The following FGD4 variants were observed in gnomAD, a reference collection of about 807,000 sequenced individuals.
FGD4 encodes the protein FYVE, RhoGEF and PH domain containing 4, also known as FYVE, RhoGEF and PH domain-containing protein 4.
In FGD4, 42 loss-of-function variants were observed where a neutral mutation model predicts 102.0. The observed-to-expected ratio is 0.41, with a 90% CI of 0.32 to 0.53. The LOEUF is 0.53. Ranked by LOEUF, FGD4 falls within the 20% of genes least tolerant of loss-of-function variation. The probability of loss-of-function intolerance (pLI) is 0.21; values close to 1 mark genes in which losing one functional copy is unlikely to be tolerated. For synonymous variants in FGD4, 380 were observed against 375.7 expected (o/e 1.01, Z -0.13); for missense variants, 902 against 1,078.2 (o/e 0.84, Z 2.29).
intron 1 of FGD4, among the ~76,000 whole-genome samples, chr12:32,434,917 G>C (rs2651362): frequency 0.39 from 59,635 of 151,758 alleles, 12,283 homozygotes; most frequent in African/African-American, 0.5. Flanking sequence ...GAGAGGAGCA[G>C]CTTCGCTTCA....
In FGD4 at chr12:32,531,800, A is replaced by C. The variant is rs570029223; in HGVS notation, c.167-32337A>C. ...CTAAGAGTTAGGATTGCTGGCTCAT[A>C]GGATAAGTGCATTCCCACCTGATGA... On this transcript the variant is annotated intron_variant, in intron 1 of 16. Coordinates refer to ENST00000534526, the MANE Select transcript of FGD4 (RefSeq NM_001370298.3). 1.4e-4 allele frequency among the ~76,000 whole-genome samples: 22 copies of C among 152,340 alleles called. 1 individual carries two copies. The South Asian group carries it at 4.6e-3, about 32-fold the overall frequency.
chr12:32,411,426 C>G (rs1260798675), intron 1 of FGD4, among the ~76,000 whole-genome samples: 1 of 151,688 alleles, frequency 6.6e-6, no homozygotes, highest in African/African-American at 2.4e-5. Flanking sequence ...CCCAGCTACA[C>G]AGGAGGCTGA....
chr12:32,640,200 G>C, intron 16 of FGD4, 76 bp from the exon 17 acceptor site: 1 of 1,608,158 alleles, frequency 6.2e-7, no homozygotes, highest in Non-Finnish European at 8.5e-7. Flanking sequence ...TAGGAAGAGA[G>C]GTTTAGTAGG....
chr12:32,618,708 C>A (rs561888049), intron 10 of FGD4, among the ~76,000 whole-genome samples: 1 of 151,974 alleles, frequency 6.6e-6, no homozygotes. Context: ...TGGTGGTTCA[C>A]GCCTGTAATC....
chr12:32,520,428 T>TTTTTTTG (rs1212675702), intron 1 of FGD4, among the ~76,000 whole-genome samples: 2 of 119,472 alleles, frequency 1.7e-5, no homozygotes, highest in Non-Finnish European at 3.7e-5. Context: ...ATTGTGGGTT[T>TTTTTTTG]TTTTGTTTTT....
At chr12:32,570,961 G>A (rs1945613420) in intron 2 of FGD4, among the ~76,000 whole-genome samples, 1 of 152,076 alleles carries the variant, frequency 6.6e-6, no homozygotes, top group African/African-American at 2.4e-5. Flanking sequence ...ATGTTATATG[G>A]TTATCTTAAA....
intron 13 of FGD4, 91 bp from the exon 14 acceptor site, chr12:32,625,563 G>A (rs1203909905): frequency 1.4e-6 from 2 of 1,461,704 alleles, no homozygotes; most frequent in Non-Finnish European, 1.9e-6. Flanking sequence ...AACATGGTTT[G>A]AGCAATGTAG....
At position 32,407,380 on chromosome 12, in the gene FGD4, C is replaced by T. The variant is rs1940988179; in HGVS notation, c.166+7421C>T. On this transcript the variant is annotated intron_variant, in intron 1 of 16. Coordinates refer to ENST00000534526, the MANE Select transcript of FGD4 (RefSeq NM_001370298.3). ...ACCTCAGGTGATCCACCTGCCTTAG[C>T]CTCCCAAAGTGCTGGGATTACAGGC... 3.3e-5 allele frequency among the ~76,000 whole-genome samples: 5 copies of T among 152,046 alleles called. No homozygotes were observed. In the South Asian group the frequency reaches 6.2e-4, roughly 19 times the overall value.
intron 10 of FGD4, among the ~76,000 whole-genome samples, chr12:32,614,050 G>T (rs1336352551): frequency 6.6e-6 from 1 of 152,132 alleles, no homozygotes; most frequent in Non-Finnish European, 1.5e-5. Context: ...CTAGGAAAAA[G>T]TTCATCTTTT....
At chr12:32,577,005 C>G (rs1033373032) in intron 3 of FGD4, among the ~76,000 whole-genome samples, 4 of 152,014 alleles carry the variant, frequency 2.6e-5, no homozygotes, top group East Asian at 3.8e-4. Context: ...ATATTATTAC[C>G]AATGACAAAA....
At chr12:32,587,956 C>T (rs1410403644) in intron 4 of FGD4, among the ~76,000 whole-genome samples, 1 of 151,954 alleles carries the variant, frequency 6.6e-6, no homozygotes, top group East Asian at 1.9e-4. Flanking sequence ...TTAACATTGC[C>T]AAAGCAGAAT....
At chr12:32,563,215 C>T (rs1026418565) in intron 1 of FGD4, among the ~76,000 whole-genome samples, 6 of 151,738 alleles carry the variant, frequency 4.0e-5, no homozygotes, top group Non-Finnish European at 8.8e-5. Flanking sequence ...GGGGTGGCTG[C>T]CGGGCAGAGG....
intron 1 of FGD4, among the ~76,000 whole-genome samples, chr12:32,472,485 G>A (rs79267937): frequency 1.2e-4 from 19 of 152,342 alleles, no homozygotes; most frequent in East Asian, 1.9e-4. Context: ...CTGGCCCACC[G>A]GTGCTGCGCT....
At chr12:32,604,216 G>GCAAA (rs1411775962) in intron 7 of FGD4, among the ~76,000 whole-genome samples, 3 of 151,936 alleles carry the variant, frequency 2.0e-5, no homozygotes, top group African/African-American at 7.3e-5. Flanking sequence ...AGGGTTGGTT[G>GCAAA]AGCTTTTTGC....
chr12:32,564,191 C>T lies in FGD4; in HGVS notation c.221C>T (p.Thr74Ile). 6.5e-7 allele frequency: 1 copy of T among 1,536,162 alleles called. No individual in the cohort carries two copies. Among genetic ancestry groups the T allele is most frequent in the Non-Finnish European group, 8.7e-7 (1 of 1,146,910 alleles). Residue 74 changes from threonine to isoleucine, a missense_variant, in exon 2 of 17, where the codon ACA becomes ATA. Thr to Ile is a moderately conservative substitution (Grantham distance 89, BLOSUM62 -1). Coordinates refer to ENST00000534526, the MANE Select transcript of FGD4 (RefSeq NM_001370298.3). ...ALVPPCSTSS[T>I]TTLVGENVSE... is the part of the protein sequence containing the mutation. ...GTTCCACCTTGCTCCACAAGCAGCA[C>T]AACCACACTGGTTGGTGAGAATGTA...
chr12:32,506,159 G>T lies in FGD4; in HGVS notation c.167-57978G>T, dbSNP rs1028485981. Among the ~76,000 whole-genome samples the T allele has an allele frequency of 6.6e-6, 1 of 152,152 alleles. No homozygotes were observed. Among genetic ancestry groups the T allele is most frequent in the African/African-American group, 2.4e-5 (1 of 41,430 alleles). Reference sequence around the variant, plus strand: ...CAAGATCAGCTTAACATCCTACACTGTTGTCTTTAAGAGGAGCACAACATT... The same window carrying T: ...CAAGATCAGCTTAACATCCTACACTTTTGTCTTTAAGAGGAGCACAACATT... On this transcript the variant is annotated intron_variant, in intron 1 of 16. Coordinates refer to ENST00000534526, the MANE Select transcript of FGD4 (RefSeq NM_001370298.3). The surrounding 1 kb of genome is among the most constrained non-coding windows in gnomAD (Gnocchi z 4.5).
At chr12:32,578,353 A>G (rs1020206644) in intron 3 of FGD4, among the ~76,000 whole-genome samples, 1 of 152,124 alleles carries the variant, frequency 6.6e-6, no homozygotes, top group Non-Finnish European at 1.5e-5. Context: ...GGAGATTTGT[A>G]TTTACTGTTG....
chr12:32,640,973 T>A lies in FGD4; in HGVS notation c.*440T>A, dbSNP rs1260113190. On this transcript the variant is annotated 3_prime_UTR_variant, in exon 17 of 17. Transcript: ENST00000534526. ...TACAGGGACAGTTGAGGCTATTGTA[T>A]TAACTTATTTAATTTAGTTTATAAA... 3 of 196,340 alleles carry A rather than the reference T, an allele frequency of 1.5e-5. No homozygotes were observed. The highest frequency in any genetic ancestry group is 5.5e-5 in the Admixed American group (1 of 18,234). 12.2% of individuals were successfully genotyped at this position (196,340 alleles called of 1,614,324 possible).
At chr12:32,438,357 T>C (rs1433132318) in intron 1 of FGD4, among the ~76,000 whole-genome samples, 1 of 152,146 alleles carries the variant, frequency 6.6e-6, no homozygotes, top group Non-Finnish European at 1.5e-5. Flanking sequence ...ATGACAAAGG[T>C]AAAAATATCT....
Sources: allele counts gnomAD v4.1 joint callset (sites outside exome capture counted in the v4.1 genomes callset), GRCh38; gene constraint gnomAD v4.1.1; non-coding constraint Gnocchi (gnomAD v3.1); transcripts MANE v1.5; gene names NCBI Gene and HGNC (gene_info 2026-07-23, HGNC 2026-07-21).